The following ZNF98 variants were observed in gnomAD, a reference collection of about 807,000 sequenced individuals.
ZNF98 encodes the protein zinc finger protein 98, also known as zinc finger protein 739.
ZNF98 carries 8 observed loss-of-function variants against 12.8 expected under a neutral mutation model. The observed-to-expected ratio is 0.63, with a 90% CI of 0.37 to 1.13. The LOEUF (loss-of-function observed/expected upper bound fraction) is 1.13, where lower values mean the gene tolerates loss of function less well. ZNF98 is among the 50% of genes most tolerant of loss of function. The probability of loss-of-function intolerance (pLI) is 0.01; values close to 1 mark genes in which losing one functional copy is unlikely to be tolerated. For missense variants in ZNF98, 379 were observed against 666.1 expected (o/e 0.57, Z 4.74); for synonymous variants, 112 against 223.5 (o/e 0.50, Z 4.45).
At chr19:22,412,737 T>C (rs1368910950) in intron 1 of ZNF98, among the ~76,000 whole-genome samples, 1 of 152,094 alleles carries the variant, frequency 6.6e-6, no homozygotes, top group African/African-American at 2.4e-5. Flanking sequence ...GTAGGGTTTA[T>C]TTTTGGGATG....
chr19:22,395,876 GA>G (rs56132872), intron 3 of ZNF98, among the ~76,000 whole-genome samples: 41 of 145,822 alleles, frequency 2.8e-4, no homozygotes, highest in Admixed American at 1.1e-3. Context: ...TGAGGGGGGG[GA>G]AAAAAAAAAG....
intron 3 of ZNF98, chr19:22,402,298 T>G (rs1318462637): frequency 6.8e-6 from 2 of 296,038 alleles, no homozygotes; most frequent in Non-Finnish European, 1.2e-5. Context: ...AACATCATAC[T>G]TTATAATTTC....
At chr19:22,418,821 G>T (rs1329389051) in intron 1 of ZNF98, among the ~76,000 whole-genome samples, 2 of 152,248 alleles carry the variant, frequency 1.3e-5, no homozygotes, top group African/African-American at 4.8e-5. Context: ...CGCAGAGGTT[G>T]CAGTGAGTGA....
intron 1 of ZNF98, among the ~76,000 whole-genome samples, chr19:22,411,896 T>C (rs1969584638): frequency 6.6e-6 from 1 of 152,204 alleles, no homozygotes; most frequent in Non-Finnish European, 1.5e-5. Context: ...AAAGGTGTTA[T>C]AATAAATTGA....
chr19:22,402,957 AG>A, intron 2 of ZNF98, 73 bp from the exon 3 acceptor site: 2 of 1,409,374 alleles, frequency 1.4e-6, no homozygotes, highest in Non-Finnish European at 1.9e-6. Context: ...TTCAGTAAAA[AG>A]GATGTAATAG....
At chr19:22,399,047 A>G (rs938529410) in intron 3 of ZNF98, among the ~76,000 whole-genome samples, 2 of 152,224 alleles carry the variant, frequency 1.3e-5, no homozygotes, top group Non-Finnish European at 2.9e-5. Flanking sequence ...AGAATTGCAA[A>G]TTGTCTAAAA....
In ZNF98 at chr19:22,406,357, C is replaced by A. The variant is rs144452328; in HGVS notation, c.31-2845G>T. On this transcript the variant is annotated intron_variant, in intron 1 of 3. Transcript: ENST00000357774. ...ACGTAAATAGGGCCTGAAGTGAACC[C>A]CCAGCAAATCACAGCAACCATACAG... Among the ~76,000 whole-genome samples, 14 of 152,002 alleles carry A rather than the reference C, an allele frequency of 9.2e-5. No individual in the cohort carries two copies. The East Asian group carries it at 1.7e-3, about 19-fold the overall frequency.
chr19:22,399,076 C>T (rs1016594123), intron 3 of ZNF98, among the ~76,000 whole-genome samples: 1 of 152,032 alleles, frequency 6.6e-6, no homozygotes, highest in South Asian at 2.1e-4. Context: ...CCAAAAAACA[C>T]AATAAACTTA....
intron 1 of ZNF98, among the ~76,000 whole-genome samples, chr19:22,421,083 T>C (rs933054617): frequency 6.6e-6 from 1 of 152,212 alleles, no homozygotes; most frequent in Non-Finnish European, 1.5e-5. Flanking sequence ...ATACTGAGAA[T>C]GCCCAGTAAC....
rs1969714602 is a variant in ZNF98 at position 22,422,333 on chromosome 19, C to A, written c.-109G>T. 4 of 1,381,686 alleles carry A rather than the reference C, an allele frequency of 2.9e-6. No homozygotes were observed. Among genetic ancestry groups the A allele is most frequent in the South Asian group, 2.3e-5 (2 of 86,442 alleles). The allele number at this position is 1,381,686 out of a possible 1,614,324, so 85.6% of individuals were successfully genotyped here. A position where few individuals can be genotyped will look rare whatever the true frequency, so the allele number is the denominator to read the frequency against. On this transcript the variant is annotated 5_prime_UTR_variant, in exon 1 of 4. Coordinates refer to ENST00000357774, the MANE Select transcript of ZNF98 (RefSeq NM_001098626.2). ...ACGAGACCAGGAACTCCGGCTGCAG[C>A]GAGAGACAAAGACCCCGCCACATCC...
intron 1 of ZNF98, among the ~76,000 whole-genome samples, chr19:22,406,126 G>A (rs1175600383): frequency 1.3e-5 from 2 of 152,102 alleles, no homozygotes. Flanking sequence ...GACAATAAAA[G>A]TGCTTCATTA....
chr19:22,391,260 G>T lies in ZNF98; in HGVS notation c.*256C>A. ...TTTCTGAACTCTTTTGACAGTAATT[G>T]CACCTTTAATGCTATTAAGTATAAA... On this transcript the variant is annotated 3_prime_UTR_variant, in exon 4 of 4. Coordinates refer to ENST00000357774, the MANE Select transcript of ZNF98 (RefSeq NM_001098626.2). The T allele has an allele frequency of 1.6e-6, 1 of 636,278 alleles. No homozygotes were observed. Among genetic ancestry groups the T allele is most frequent in the Non-Finnish European group, 2.4e-6 (1 of 413,550 alleles). The allele number at this position is 636,278 out of a possible 1,614,324, so 39.4% of individuals were successfully genotyped here.
At chr19:22,413,501 AT>A (rs1207450729) in intron 1 of ZNF98, among the ~76,000 whole-genome samples, 1 of 152,206 alleles carries the variant, frequency 6.6e-6, no homozygotes, top group African/African-American at 2.4e-5. Flanking sequence ...TACAAAAAGA[AT>A]AAAATATCTA....
chr19:22,416,717 A>G (rs1309972562), intron 1 of ZNF98, among the ~76,000 whole-genome samples: 3 of 152,166 alleles, frequency 2.0e-5, no homozygotes, highest in Admixed American at 1.3e-4. Flanking sequence ...GTGCCACTGC[A>G]CTCCAGCCTG....
chr19:22,391,793 T>C lies in ZNF98; in HGVS notation c.1442A>G (p.Lys481Arg), dbSNP rs1969326849. ...FNQSSTLSKH[K>R]VIHTGEKPYK... ...GGGCTTCTCTCCAGTATGAATTACCTTATGTTTAGAAAGAGTTGAGGACTG... is the reference window on the plus strand; with the variant it reads ...GGGCTTCTCTCCAGTATGAATTACCCTATGTTTAGAAAGAGTTGAGGACTG... The change falls in exon 4 of 4, where the codon AAG becomes AGG. Residue 481 changes from lysine (K) to arginine (R), a missense_variant. Around this residue, in one of 8 missense-constraint regions of ZNF98, gnomAD observed 15 missense variants for 28.7 expected, o/e 0.52. Coordinates refer to ENST00000357774, the MANE Select transcript of ZNF98 (RefSeq NM_001098626.2). 3.7e-6 allele frequency: 6 copies of C among 1,601,766 alleles called. No homozygotes were observed. The highest frequency in any genetic ancestry group is 5.1e-6 in the Non-Finnish European group (6 of 1,173,942).
At chr19:22,403,365 G>A in intron 2 of ZNF98, 21 bp downstream of exon 2, 1 of 1,532,806 alleles carries the variant, frequency 6.5e-7, no homozygotes. Context: ...TTAGGGAATT[G>A]TATATTGAAG....
intron 1 of ZNF98, among the ~76,000 whole-genome samples, chr19:22,418,865 C>T (rs1300353837): frequency 6.6e-6 from 1 of 152,128 alleles, no homozygotes; most frequent in Non-Finnish European, 1.5e-5. Flanking sequence ...GGTGACAGAG[C>T]AAGACTCTGC....
rs937581468 is a variant in ZNF98 at position 22,395,992 on chromosome 19, T to A, written c.254-3011A>T. Among the ~76,000 whole-genome samples the A allele has an allele frequency of 4.8e-4, 73 of 151,916 alleles. 1 individual carries two copies. Among genetic ancestry groups the A allele is most frequent in the African/African-American group, 1.6e-3 (68 of 41,444 alleles). On this transcript the variant is annotated intron_variant, in intron 3 of 3. Coordinates refer to ENST00000357774, the MANE Select transcript of ZNF98 (RefSeq NM_001098626.2). The stretch of plus-strand genomic sequence containing the variant: ...TGAAAAAGTATATTAGCACTGCATA[T>A]GCCCTACATATAAAAGATGATGAAA...
intron 1 of ZNF98, among the ~76,000 whole-genome samples, chr19:22,413,922 C>A (rs1254973777): frequency 2.1e-5 from 3 of 143,200 alleles, no homozygotes; most frequent in Non-Finnish European, 4.6e-5. Context: ...AATGGAAAAC[C>A]ATTTTATGCT....
Sources: allele counts gnomAD v4.1 joint callset (sites outside exome capture counted in the v4.1 genomes callset), GRCh38; gene constraint gnomAD v4.1.1; regional missense constraint gnomAD v4.1.1; transcripts MANE v1.5; gene names NCBI Gene and HGNC (gene_info 2026-07-23, HGNC 2026-07-21).